CFAP90: variants seen among roughly 807,000 people sequenced by gnomAD.
CFAP90 encodes cilia and flagella associated protein 90, also known as cilia- and flagella-associated protein 90.
chr5:7,850,854 C>T, the CFAP90 span: 9 of 1,291,136 alleles, frequency 7.0e-6, no homozygotes, highest in Non-Finnish European at 8.9e-6. Context: ...CCGGTCTCCG[C>T]GCCCAGTCCG....
the CFAP90 span, among the ~76,000 whole-genome samples, chr5:7,846,595 C>T: frequency 1.8e-4 from 28 of 152,212 alleles, no homozygotes; most frequent in East Asian, 5.0e-3. Context: ...CCCAAAGGCC[C>T]GCCTCCTAAT....
the CFAP90 span, chr5:7,835,384 C>G: frequency 1.6e-5 from 25 of 1,546,366 alleles, no homozygotes; most frequent in Non-Finnish European, 2.2e-5. Flanking sequence ...AATATTACCT[C>G]TTCGTTAACA....
the CFAP90 span, among the ~76,000 whole-genome samples, chr5:7,837,024 T>G: frequency 2.1e-3 from 327 of 152,270 alleles, no homozygotes; most frequent in African/African-American, 7.5e-3. Context: ...TCTTGAGAGA[T>G]AAAAGTATTT....
At chr5:7,834,652 G>C in the CFAP90 span, among the ~76,000 whole-genome samples, 2 of 152,014 alleles carry the variant, frequency 1.3e-5, no homozygotes, top group African/African-American at 4.8e-5. Context: ...TGATACACAA[G>C]TGTATCATTT....
At chr5:7,842,126 C>A in the CFAP90 span, among the ~76,000 whole-genome samples, 13 of 151,942 alleles carry the variant, frequency 8.6e-5, no homozygotes, top group Non-Finnish European at 1.8e-4. Context: ...CAAGAAGTAG[C>A]CATCGTGCCC....
chr5:7,843,690 C>A, the CFAP90 span, among the ~76,000 whole-genome samples: 1 of 152,110 alleles, frequency 6.6e-6, no homozygotes, highest in African/African-American at 2.4e-5. Flanking sequence ...GAAGAAACAG[C>A]GATCCACAGG....
At chr5:7,838,794 G>A in the CFAP90 span, among the ~76,000 whole-genome samples, 1 of 152,118 alleles carries the variant, frequency 6.6e-6, no homozygotes. Context: ...CTGAACCCCT[G>A]GGAGAAAGCT....
the CFAP90 span, chr5:7,850,799 GC>G: frequency 3.8e-6 from 1 of 265,580 alleles, no homozygotes; most frequent in Non-Finnish European, 4.7e-6. Context: ...CAGCCGCCCA[GC>G]CGCCCAGCCG....
chr5:7,844,314 C>A, the CFAP90 span, among the ~76,000 whole-genome samples: 1 of 152,186 alleles, frequency 6.6e-6, no homozygotes, highest in Non-Finnish European at 1.5e-5. Flanking sequence ...AGCAAAGCAG[C>A]AGATAATCCA....
At chr5:7,839,949 A>C in the CFAP90 span, among the ~76,000 whole-genome samples, 19 of 152,324 alleles carry the variant, frequency 1.2e-4, no homozygotes, top group Non-Finnish European at 2.1e-4. Flanking sequence ...GTCTTTTCCC[A>C]GGATTTTAAT....
the CFAP90 span, among the ~76,000 whole-genome samples, chr5:7,842,390 C>T: frequency 6.6e-6 from 1 of 151,276 alleles, no homozygotes; most frequent in Non-Finnish European, 1.5e-5. Context: ...ATGTGCTCAT[C>T]AAACATACTA....
chr5:7,843,539 C>G, the CFAP90 span, among the ~76,000 whole-genome samples: 1 of 152,122 alleles, frequency 6.6e-6, no homozygotes, highest in Non-Finnish European at 1.5e-5. Context: ...TGTTCTGATT[C>G]AGAGAGTTCT....
the CFAP90 span, among the ~76,000 whole-genome samples, chr5:7,846,947 G>A: frequency 5.9e-5 from 9 of 152,200 alleles, no homozygotes; most frequent in East Asian, 5.8e-4. Context: ...GTTTCACCAC[G>A]TTGGCTGGGC....
chr5:7,846,024 A>C, the CFAP90 span, among the ~76,000 whole-genome samples: 1 of 151,784 alleles, frequency 6.6e-6, no homozygotes. Flanking sequence ...TAGTGAAAAG[A>C]AGCTCTAATA....
chr5:7,849,356 A>C, the CFAP90 span, among the ~76,000 whole-genome samples: 7 of 152,034 alleles, frequency 4.6e-5, no homozygotes. Context: ...GGAAGGATGC[A>C]TTTTCTGGGA....
chr5:7,830,465 T>C, the CFAP90 span: 1 of 152,226 alleles, frequency 6.6e-6, no homozygotes, highest in African/African-American at 2.4e-5. Context: ...TTTATAAATA[T>C]TTCTATAACC....
the CFAP90 span, among the ~76,000 whole-genome samples, chr5:7,835,010 C>G: frequency 1.5e-4 from 23 of 152,152 alleles, no homozygotes; most frequent in Non-Finnish European, 3.1e-4. Flanking sequence ...TGGTTCTAAA[C>G]CACGGCAATA....
the CFAP90 span, chr5:7,831,257 G>A: frequency 1.3e-5 from 2 of 152,452 alleles, no homozygotes; most frequent in Non-Finnish European, 2.9e-5. Flanking sequence ...AGGGCTCCTG[G>A]TCCCTACTGC....
chr5:7,840,513 G>A, the CFAP90 span, among the ~76,000 whole-genome samples: 15 of 152,334 alleles, frequency 9.8e-5, no homozygotes, highest in African/African-American at 3.6e-4. Context: ...TAAGAGAGGT[G>A]TGCACAAAGT....
Sources: allele counts gnomAD v4.1 joint callset (sites outside exome capture counted in the v4.1 genomes callset), GRCh38; gene constraint gnomAD v4.1.1; transcripts MANE v1.5; gene names NCBI Gene and HGNC (gene_info 2026-07-23, HGNC 2026-07-21).